Variants in AGTRAP observed in about 807,000 individuals in gnomAD.
AGTRAP encodes angiotensin II receptor associated protein.
A neutral mutation model predicts 15.2 loss-of-function variants in AGTRAP; 7 were observed. The ratio of observed to expected loss-of-function variants is 0.46; its 90% CI spans 0.26 to 0.87. The LOEUF (loss-of-function observed/expected upper bound fraction) is 0.87. AGTRAP is among the 40% of genes least tolerant of loss of function. The pLI is 0.15. For missense variants in AGTRAP, 187 were observed against 213.4 expected, an observed-to-expected ratio of 0.88 and a Z score of 0.77; for synonymous variants, 74 against 89.6, an observed-to-expected ratio of 0.83 and a Z score of 0.98.
At chr1:11,736,416 A>G (rs1248865136) in intron 1 of AGTRAP, among the ~76,000 whole-genome samples, 181 bp downstream of exon 1, 1 of 152,218 alleles carries the variant, frequency 6.6e-6, no homozygotes, top group Non-Finnish European at 1.5e-5. Flanking sequence ...AGAGTGATCC[A>G]GGCACAGGCC....
At chr1:11,748,835 T>C (rs1170552427) in intron 4 of AGTRAP, among the ~76,000 whole-genome samples, 1 of 152,276 alleles carries the variant, frequency 6.6e-6, no homozygotes, top group East Asian at 1.9e-4. Context: ...GTGACCTTCT[T>C]CTGCTGTGAA....
At chr1:11,740,776 A>G (rs1364286998) in intron 1 of AGTRAP, among the ~76,000 whole-genome samples, 1 of 152,222 alleles carries the variant, frequency 6.6e-6, no homozygotes, top group Non-Finnish European at 1.5e-5. Flanking sequence ...GAGCGAGAGC[A>G]TTGAAAATGA....
rs17875989 is a variant in AGTRAP, at chr1:11,745,326, C to A, written c.28-477C>A. Among the ~76,000 whole-genome samples, 2 of 152,140 alleles carry A rather than the reference C, an allele frequency of 1.3e-5. No individual in the cohort carries two copies. Among genetic ancestry groups the A allele is most frequent in the East Asian group, 3.8e-4 (2 of 5,198 alleles). ...AGTGAGGACAACCAGAGGTTACTCT[C>A]GTGGCCATCTTGATTTGGGTGGGTT... On this transcript the variant is annotated intron_variant, in intron 1 of 4. Coordinates refer to ENST00000314340, the MANE Select transcript of AGTRAP (RefSeq NM_020350.5). The surrounding 1 kb of genome is among the most constrained non-coding windows in gnomAD (Gnocchi z 4.2).
At chr1:11,748,378 G>A in intron 3 of AGTRAP, 37 bp from the exon 4 acceptor site, 1 of 1,590,716 alleles carries the variant, frequency 6.3e-7, no homozygotes, top group Non-Finnish European at 8.6e-7. Context: ...GGAGCGTGGT[G>A]GGGGTGTTGT....
At chr1:11,747,610 G>A in intron 3 of AGTRAP, 65 bp downstream of exon 3, 1 of 1,521,500 alleles carries the variant, frequency 6.6e-7, no homozygotes, top group East Asian at 2.2e-5. Flanking sequence ...ACATAGCCTG[G>A]CTCTGCTACC....
In AGTRAP at chr1:11,748,743, C is replaced by T. The variant is rs566907864; in HGVS notation, c.364+133C>T. On this transcript the variant is annotated intron_variant, in intron 4 of 4. Coordinates refer to ENST00000314340, the MANE Select transcript of AGTRAP (RefSeq NM_020350.5). Reference sequence around the variant, plus strand: ...AGGTGCAGGGAGAGCGTGGCATGGGCGCTCTGTACTAGGCTGGACAGGTCC... The same window carrying T: ...AGGTGCAGGGAGAGCGTGGCATGGGTGCTCTGTACTAGGCTGGACAGGTCC... 3.4e-5 allele frequency: 36 copies of T among 1,070,914 alleles called. No homozygotes were observed. In the East Asian group the frequency reaches 7.0e-4, roughly 21 times the overall value. The allele number at this position is 1,070,914 out of a possible 1,614,324, so 66.3% of individuals were successfully genotyped here. A position where few individuals can be genotyped will look rare whatever the true frequency, so the allele number is the denominator to read the frequency against.
chr1:11,738,213 C>G (rs1448892655), intron 1 of AGTRAP, among the ~76,000 whole-genome samples: 1 of 152,154 alleles, frequency 6.6e-6, no homozygotes, highest in Non-Finnish European at 1.5e-5. Context: ...ACTCCCTCCC[C>G]ACTCCCTCGT....
chr1:11,742,468 C>T (rs1218952862), intron 1 of AGTRAP, among the ~76,000 whole-genome samples: 3 of 150,694 alleles, frequency 2.0e-5, no homozygotes, highest in Middle Eastern at 6.9e-3. Flanking sequence ...TTCCTTCTTT[C>T]CTTCCTTTTC....
intron 2 of AGTRAP, among the ~76,000 whole-genome samples, 157 bp from the exon 3 acceptor site, chr1:11,747,283 G>C (rs1195170405): frequency 6.6e-6 from 1 of 152,210 alleles, no homozygotes; most frequent in African/African-American, 2.4e-5. Flanking sequence ...CCAGGGTCTG[G>C]GTGGGAGGCG....
At chr1:11,749,457 T>C (rs973858018) in intron 4 of AGTRAP, among the ~76,000 whole-genome samples, 1 of 152,088 alleles carries the variant, frequency 6.6e-6, no homozygotes, top group Non-Finnish European at 1.5e-5. Context: ...GTTTCTCCCA[T>C]TGGACAGATG....
chr1:11,748,682 CAG>C, intron 4 of AGTRAP, 72 bp downstream of exon 4: 2 of 1,525,768 alleles, frequency 1.3e-6, no homozygotes, highest in South Asian at 2.4e-5. Flanking sequence ...GCCTCTCCCT[CAG>C]TGAGCCAGCC....
intron 2 of AGTRAP, chr1:11,746,106 C>T: frequency 6.2e-7 from 1 of 1,608,990 alleles, no homozygotes. Context: ...TCACCTTTAC[C>T]ATCTCTTTTA....
chr1:11,746,029 T>C (rs1424968442), intron 2 of AGTRAP, 192 bp downstream of exon 2: 4 of 1,359,852 alleles, frequency 2.9e-6, no homozygotes, highest in Non-Finnish European at 3.1e-6. Context: ...GAGGGAGACG[T>C]GGAAGTGCTC....
At chr1:11,739,914 C>A (rs1347065729) in intron 1 of AGTRAP, among the ~76,000 whole-genome samples, 1 of 152,352 alleles carries the variant, frequency 6.6e-6, no homozygotes, top group East Asian at 1.9e-4. Context: ...CAGAAAGGAG[C>A]CTGAGGCCTT....
In AGTRAP at chr1:11,750,167, G is replaced by A. The variant is rs775606087; in HGVS notation, c.455G>A (p.Arg152Lys). The change falls in exon 5 of 5, where the codon AGG becomes AAG. Residue 152 changes from arginine (R) to lysine (K), a missense_variant. Physicochemically the swap from Arg to Lys is conservative, Grantham distance 26. Transcript: ENST00000314340. ...GATCCCTTTGCAGTCCCAGAGGGCAGGAGTCAAGATGCCCGAGGGTACTGA... is the reference window on the plus strand; with the variant it reads ...GATCCCTTTGCAGTCCCAGAGGGCAAGAGTCAAGATGCCCGAGGGTACTGA... ...PADPFAVPEGRSQDARGY is the reference protein window; with the variant it reads ...PADPFAVPEGKSQDARGY 2 of 1,613,862 alleles carry A rather than the reference G, an allele frequency of 1.2e-6. No individual in the cohort carries two copies. Among genetic ancestry groups the A allele is most frequent in the Admixed American group, 3.3e-5 (2 of 60,028 alleles).
At chr1:11,736,987 G>C (rs1641916693) in intron 1 of AGTRAP, among the ~76,000 whole-genome samples, 1 of 152,192 alleles carries the variant, frequency 6.6e-6, no homozygotes, top group African/African-American at 2.4e-5. Context: ...TCAGGAAGGT[G>C]TGGACCTTGG....
intron 4 of AGTRAP, among the ~76,000 whole-genome samples, chr1:11,749,812 G>T (rs1642269138): frequency 6.6e-6 from 1 of 152,090 alleles, no homozygotes; most frequent in Non-Finnish European, 1.5e-5. Flanking sequence ...GTGATCTCGG[G>T]CAAGTCACTT....
At chr1:11,738,329 C>T (rs1402030346) in intron 1 of AGTRAP, among the ~76,000 whole-genome samples, 2 of 152,156 alleles carry the variant, frequency 1.3e-5, no homozygotes, top group Non-Finnish European at 2.9e-5. Flanking sequence ...GCCCTTTGCA[C>T]AAAGGGCAGC....
At chr1:11,748,182 G>C (rs17875950) in intron 3 of AGTRAP, among the ~76,000 whole-genome samples, 3,043 of 152,316 alleles carry the variant, frequency 0.02, 85 homozygotes, top group African/African-American at 0.068. Context: ...ACGGGAAATG[G>C]GTGGGGAGGG....
Sources: gnomAD v4.1 joint callset for allele counts (sites outside exome capture counted in the v4.1 genomes callset) on GRCh38, gnomAD v4.1.1 for gene constraint, Gnocchi (gnomAD v3.1) non-coding constraint, MANE v1.5 for transcripts, NCBI Gene and HGNC (gene_info 2026-07-23, HGNC 2026-07-21) for gene names.